TMEM98: variants seen among roughly 807,000 people sequenced by gnomAD.
TMEM98 encodes the protein transmembrane protein 98.
A neutral mutation model predicts 25.0 loss-of-function variants in TMEM98; 18 were observed. The ratio of observed to expected loss-of-function variants is 0.72; its 90% CI spans 0.50 to 1.07. The LOEUF is 1.07. TMEM98 is among the 50% of genes least tolerant of loss of function. The probability of loss-of-function intolerance (pLI) is 0.00; values close to 1 mark genes in which losing one functional copy is unlikely to be tolerated. For missense variants in TMEM98, 241 were observed against 289.0 expected, an observed-to-expected ratio of 0.83 and a Z score of 1.20; for synonymous variants, 103 against 112.4, an observed-to-expected ratio of 0.92 and a Z score of 0.53.
chr17:32,930,114 A>C (rs956714797), intron 1 of TMEM98, among the ~76,000 whole-genome samples: 1 of 152,032 alleles, frequency 6.6e-6, no homozygotes, highest in Non-Finnish European at 1.5e-5. Flanking sequence ...TGGTATTCTA[A>C]GGACTCCTAA....
At chr17:32,939,659 G>T in intron 7 of TMEM98, 123 bp downstream of exon 7, 2 of 1,205,488 alleles carry the variant, frequency 1.7e-6, no homozygotes, top group Non-Finnish European at 2.4e-6. Context: ...TCCTTAGGCT[G>T]CCCGGGCCAT....
At chr17:32,928,590 AAAAACAGG>A (rs1360489360) in intron 1 of TMEM98, among the ~76,000 whole-genome samples, 1 of 152,008 alleles carries the variant, frequency 6.6e-6, no homozygotes, top group Non-Finnish European at 1.5e-5. Flanking sequence ...AGAGACGGAG[AAAAACAGG>A]AAAACTTACT....
chr17:32,933,306 G>T lies in TMEM98; in HGVS notation c.263+1G>T. ...ATGAAGACTGGATCGAAGATGCCTC[G>T]TAAGGCCATGGGAACTGTTTGCTTC... On this transcript the variant is annotated splice_donor_variant, in intron 4 of 7. Transcript: ENST00000579849. LOFTEE classifies it high-confidence loss of function. 1 of 1,614,062 alleles carries T rather than the reference G, an allele frequency of 6.2e-7. No individual in the cohort carries two copies. The highest frequency in any genetic ancestry group is 8.5e-7 in the Non-Finnish European group (1 of 1,179,950).
At position 32,931,462 on chromosome 17, in the gene TMEM98, A is replaced by G. The variant is rs2091468778; in HGVS notation, c.-54-13A>G. The G allele has an allele frequency of 1.3e-6, 2 of 1,564,492 alleles. No individual in the cohort carries two copies. Among genetic ancestry groups the G allele is most frequent in the Admixed American group, 1.8e-5 (1 of 54,308 alleles). On this transcript the variant is annotated splice_polypyrimidine_tract_variant and intron_variant, in intron 2 of 7. Transcript: ENST00000579849. ...TCTTGACCAGATCTGCTCTGACTTC[A>G]TGTTCTCTCAAGCTTTAGCCCATGA...
rs1019848005 is a variant in TMEM98, at chr17:32,931,424, C to G, written c.-55+22C>G. ...GCAGGTAAGACCCACCTGTCCCACTCTCTTTCGTGGCTTCTTGACCAGATC... is the reference window on the plus strand; with the variant it reads ...GCAGGTAAGACCCACCTGTCCCACTGTCTTTCGTGGCTTCTTGACCAGATC... On this transcript the variant is annotated intron_variant, in intron 2 of 7. Coordinates refer to ENST00000579849, the MANE Select transcript of TMEM98 (RefSeq NM_015544.3). 1.0e-5 allele frequency: 15 copies of G among 1,476,080 alleles called. No individual in the cohort carries two copies. In the African/African-American group the frequency reaches 2.1e-4, roughly 21 times the overall value. The allele number at this position is 1,476,080 out of a possible 1,614,324, so 91.4% of individuals were successfully genotyped here.
At chr17:32,930,146 G>A (rs75564104) in intron 1 of TMEM98, among the ~76,000 whole-genome samples, 2 of 151,970 alleles carry the variant, frequency 1.3e-5, no homozygotes, top group East Asian at 1.9e-4. Context: ...TTTTTTTCAC[G>A]TGGGGAAATT....
In TMEM98 at chr17:32,943,930, C is replaced by G. The variant is rs1447594203; in HGVS notation, c.*2937C>G. 6.6e-6 allele frequency: 1 copy of G among 152,310 alleles called. No homozygotes were observed. The highest frequency in any genetic ancestry group is 1.5e-5 in the Non-Finnish European group (1 of 68,126). The allele number at this position is 152,310 out of a possible 1,614,324, so 9.4% of individuals were successfully genotyped here. On this transcript the variant is annotated 3_prime_UTR_variant, in exon 8 of 8. Coordinates refer to ENST00000579849, the MANE Select transcript of TMEM98 (RefSeq NM_015544.3). ...TTGAGTGGCCAAAAATCTGGAATCC[C>G]TACAGTAGGGAGAGTAGCCTTGTCC...
chr17:32,939,817 T>G (rs1239123759), intron 7 of TMEM98, among the ~76,000 whole-genome samples: 1 of 152,222 alleles, frequency 6.6e-6, no homozygotes, highest in Non-Finnish European at 1.5e-5. Context: ...GTGCCTTCCC[T>G]TCTACCTTTT....
chr17:32,938,833 ATC>A (rs1470537349), intron 6 of TMEM98, among the ~76,000 whole-genome samples: 1 of 152,188 alleles, frequency 6.6e-6, no homozygotes, highest in Non-Finnish European at 1.5e-5. Flanking sequence ...GCTTTTGTTT[ATC>A]TATTTTTATG....
chr17:32,940,796 C>G lies in TMEM98; in HGVS notation c.484C>G (p.Leu162Val). 6.2e-7 allele frequency: 1 copy of G among 1,613,932 alleles called. No individual in the cohort carries two copies. The highest frequency in any genetic ancestry group is 8.5e-7 in the Non-Finnish European group (1 of 1,179,898). ...PKLLDARTTALLLSVSHLVLV... is the reference protein window; with the variant it reads ...PKLLDARTTAVLLSVSHLVLV... ...TCTTTTTTTCCCTAGGACGACTGCCCTGCTCCTGTCTGTCAGTCACCTGGT... is the reference window on the plus strand; with the variant it reads ...TCTTTTTTTCCCTAGGACGACTGCCGTGCTCCTGTCTGTCAGTCACCTGGT... The change falls in exon 8 of 8, where the codon CTG (leucine) becomes GTG (valine). Residue 162 changes from leucine (L) to valine (V), a missense_variant. Transcript: ENST00000579849.
chr17:32,931,200 T>G (rs979574547), intron 1 of TMEM98, 127 bp from the exon 2 acceptor site: 82 of 235,696 alleles, frequency 3.5e-4, no homozygotes, highest in African/African-American at 1.7e-3. Context: ...CTAGACTCCA[T>G]CTTAAAAAAA....
intron 5 of TMEM98, among the ~76,000 whole-genome samples, chr17:32,936,076 A>T (rs1227534062): frequency 6.6e-6 from 1 of 152,082 alleles, no homozygotes; most frequent in Non-Finnish European, 1.5e-5. Context: ...AAGACAGATT[A>T]TTTCAGCTTA....
intron 1 of TMEM98, among the ~76,000 whole-genome samples, chr17:32,928,861 ACATT>A (rs1387138999): frequency 6.8e-6 from 1 of 147,574 alleles, no homozygotes; most frequent in Non-Finnish European, 1.5e-5. Context: ...ACACTCAGAA[ACATT>A]CAGTTCACAC....
At chr17:32,939,664 G>T in intron 7 of TMEM98, 128 bp downstream of exon 7, 1 of 1,097,200 alleles carries the variant, frequency 9.1e-7, no homozygotes, top group East Asian at 2.5e-5. Context: ...AGGCTGCCCG[G>T]GCCATGCGTG....
At chr17:32,933,639 G>T (rs1214964886) in intron 4 of TMEM98, among the ~76,000 whole-genome samples, 1 of 152,096 alleles carries the variant, frequency 6.6e-6, no homozygotes, top group Non-Finnish European at 1.5e-5. Context: ...GGATCTCAGG[G>T]GTCTCTCCAT....
In TMEM98 at chr17:32,942,034, C is replaced by T. The variant is rs1240292844; in HGVS notation, c.*1041C>T. 1 of 152,046 alleles carries T rather than the reference C, an allele frequency of 6.6e-6. No individual in the cohort carries two copies. Among genetic ancestry groups the T allele is most frequent in the Non-Finnish European group, 1.5e-5 (1 of 68,026 alleles). 9.4% of individuals were successfully genotyped at this position (152,046 alleles called of 1,614,324 possible). A position where few individuals can be genotyped will look rare whatever the true frequency, so the allele number is the denominator to read the frequency against. On this transcript the variant is annotated 3_prime_UTR_variant, in exon 8 of 8. Transcript: ENST00000579849. The stretch of plus-strand genomic sequence containing the variant: ...TCCAGCCTGGGCGACAGAGTGAGAC[C>T]ATGTCTCCAAAACATACATATATAT...
intron 3 of TMEM98, 73 bp from the exon 4 acceptor site, chr17:32,933,100 GT>G: frequency 6.3e-7 from 1 of 1,584,512 alleles, no homozygotes; most frequent in Non-Finnish European, 8.6e-7. Context: ...TATGGTGTAT[GT>G]GGGCCTCAGT....
At chr17:32,934,258 A>T in intron 4 of TMEM98, 33 bp from the exon 5 acceptor site, 2 of 1,613,750 alleles carry the variant, frequency 1.2e-6, no homozygotes, top group Non-Finnish European at 8.5e-7. Flanking sequence ...GCCCCTCCAG[A>T]TGAGCACTGA....
intron 3 of TMEM98, among the ~76,000 whole-genome samples, 155 bp downstream of exon 3, chr17:32,931,814 A>T (rs1567696644): frequency 6.6e-6 from 1 of 152,196 alleles, no homozygotes; most frequent in African/African-American, 2.4e-5. Flanking sequence ...TCAGAGTTTA[A>T]GAATGTTCCT....
Sources: gnomAD v4.1 joint callset for allele counts (sites outside exome capture counted in the v4.1 genomes callset) on GRCh38, gnomAD v4.1.1 for gene constraint, MANE v1.5 for transcripts, NCBI Gene and HGNC (gene_info 2026-07-23, HGNC 2026-07-21) for gene names.